HOATZ: variants seen among roughly 807,000 people sequenced by gnomAD.
The protein encoded by HOATZ is cilia- and flagella-associated protein HOATZ.
Under a neutral mutation model 24.9 loss-of-function variants are expected in HOATZ, and 26 were observed. The observed-to-expected ratio is 1.04, with a 90% CI of 0.76 to 1.45. The LOEUF is 1.45. HOATZ is among the 40% of genes most tolerant of loss of function. The probability of loss-of-function intolerance (pLI) is 0.00; values close to 1 mark genes in which losing one functional copy is unlikely to be tolerated. For missense variants in HOATZ, 226 were observed against 201.5 expected (o/e 1.12, Z -0.74); for synonymous variants, 83 against 76.6 (o/e 1.08, Z -0.43).
intron 1 of HOATZ, 44 bp from the exon 2 acceptor site, chr11:111,515,467 T>A (rs754685464): frequency 2.4e-5 from 38 of 1,551,986 alleles, no homozygotes; most frequent in Non-Finnish European, 2.8e-5. Context: ...TTAATGTTGT[T>A]GACTTTTCCA....
At chr11:111,518,382 T>C (rs1867231586) in intron 3 of HOATZ, among the ~76,000 whole-genome samples, 1 of 152,214 alleles carries the variant, frequency 6.6e-6, no homozygotes, top group Non-Finnish European at 1.5e-5. Context: ...TGAATTGTCT[T>C]ATAGATATAG....
At chr11:111,533,911 T>G (rs1274970698) in intron 4 of HOATZ, 106 bp downstream of exon 4, 12 of 763,616 alleles carry the variant, frequency 1.6e-5, no homozygotes, top group Non-Finnish European at 2.2e-5. Context: ...CTAGCTATAG[T>G]CCAGAGCCAT....
At chr11:111,529,525 A>C (rs1867373581) in intron 3 of HOATZ, among the ~76,000 whole-genome samples, 1 of 151,942 alleles carries the variant, frequency 6.6e-6, no homozygotes. Context: ...CACCACACCC[A>C]GCTAATTTTT....
intron 3 of HOATZ, among the ~76,000 whole-genome samples, chr11:111,518,796 A>G (rs1175071353): frequency 6.6e-6 from 1 of 152,204 alleles, no homozygotes; most frequent in Non-Finnish European, 1.5e-5. Context: ...ACTTTCATGT[A>G]TCTGCCTGAA....
chr11:111,524,754 T>C (rs1867314501), intron 3 of HOATZ: 3 of 375,556 alleles, frequency 8.0e-6, no homozygotes, highest in Non-Finnish European at 1.6e-5. Context: ...ATTTTGACTT[T>C]CTTGGCCAGG....
Position 111,516,082 on chromosome 11 carries a change from C to A in HOATZ, c.311C>A (p.Ser104Tyr). The A allele has an allele frequency of 6.2e-7, 1 of 1,600,434 alleles. No individual in the cohort carries two copies. Among genetic ancestry groups the A allele is most frequent in the Non-Finnish European group, 8.5e-7 (1 of 1,172,202 alleles). The change falls in exon 3 of 6, where the codon TCT becomes TAT. Residue 104 changes from serine to tyrosine, a missense_variant. Ser to Tyr is a moderately radical substitution (Grantham distance 144). Coordinates refer to ENST00000375618, the MANE Select transcript of HOATZ (RefSeq NM_001100388.2). The stretch of plus-strand genomic sequence containing the variant: ...GCCGAAGCCCTAAAGATACAGGAAT[C>A]TGAGGAGAAAGTAAAGTATCTCCAA... The part of the protein sequence containing the change: ...IFAEALKIQE[S>Y]EEKVKYLQKA...
intron 3 of HOATZ, among the ~76,000 whole-genome samples, chr11:111,529,212 T>C (rs1867370056): frequency 6.6e-6 from 1 of 152,116 alleles, no homozygotes; most frequent in South Asian, 2.1e-4. Flanking sequence ...AGCATTAGCA[T>C]TAAATGGAAA....
chr11:111,530,104 A>G (rs1867379819), intron 3 of HOATZ, among the ~76,000 whole-genome samples: 1 of 152,230 alleles, frequency 6.6e-6, no homozygotes, highest in Non-Finnish European at 1.5e-5. Flanking sequence ...ACTACCATTT[A>G]TTAAATGTTC....
intron 3 of HOATZ, chr11:111,518,958 T>A: frequency 2.2e-6 from 1 of 454,848 alleles, no homozygotes; most frequent in East Asian, 7.0e-5. Context: ...ATTTGTACAG[T>A]CTCTGATGTG....
At chr11:111,535,382 C>T (rs180830412) in intron 5 of HOATZ, 67 of 152,282 alleles carry the variant, frequency 4.4e-4, no homozygotes, top group African/African-American at 1.6e-3. Context: ...AGTGACTTAA[C>T]GATACCAATA....
intron 5 of HOATZ, 89 bp from the exon 6 acceptor site, chr11:111,536,681 G>A: frequency 9.5e-7 from 1 of 1,051,802 alleles, no homozygotes; most frequent in Admixed American, 1.7e-5. Flanking sequence ...TTTTTATTGG[G>A]AGAATTTTCA....
intron 3 of HOATZ, among the ~76,000 whole-genome samples, chr11:111,519,446 C>T (rs1361481684): frequency 6.6e-6 from 1 of 152,150 alleles, no homozygotes; most frequent in Admixed American, 6.6e-5. Flanking sequence ...TACTAGAATA[C>T]TCCCAAAATC....
At chr11:111,516,002 A>G in intron 2 of HOATZ, 38 bp from the exon 3 acceptor site, 1 of 1,315,158 alleles carries the variant, frequency 7.6e-7, no homozygotes, top group Non-Finnish European at 1.1e-6. Context: ...AATCATAATA[A>G]AATTATTTCA....
intron 3 of HOATZ, among the ~76,000 whole-genome samples, chr11:111,530,196 T>C (rs534979901): frequency 6.6e-6 from 1 of 152,298 alleles, no homozygotes; most frequent in East Asian, 1.9e-4. Flanking sequence ...AATCCACAAC[T>C]GGGATTGTGG....
chr11:111,517,099 A>G (rs1264295995), intron 3 of HOATZ, among the ~76,000 whole-genome samples: 1 of 152,242 alleles, frequency 6.6e-6, no homozygotes, highest in Non-Finnish European at 1.5e-5. Flanking sequence ...GGAATTCTAC[A>G]TAAATTACAA....
In HOATZ at chr11:111,536,874, G is replaced by A. The variant is rs1249951384; in HGVS notation, c.*47G>A. 4.2e-6 allele frequency: 6 copies of A among 1,418,202 alleles called. No individual in the cohort carries two copies. Among genetic ancestry groups the A allele is most frequent in the South Asian group, 2.3e-5 (2 of 86,834 alleles). The allele number at this position is 1,418,202 out of a possible 1,614,324, so 87.9% of individuals were successfully genotyped here. A position where few individuals can be genotyped will look rare whatever the true frequency, so the allele number is the denominator to read the frequency against. ...GATGGCTCACTTATACCTTCACTTT[G>A]GAAACAACCTTCTCTTAGATCAGGA... is the stretch of plus-strand genomic sequence containing the variant. On this transcript the variant is annotated 3_prime_UTR_variant, in exon 6 of 6. Transcript: ENST00000375618.
intron 5 of HOATZ, 96 bp from the exon 6 acceptor site, chr11:111,536,674 T>C (rs1458590972): frequency 1.0e-6 from 1 of 978,994 alleles, no homozygotes; most frequent in Non-Finnish European, 1.6e-6. Context: ...CAGTGAATTT[T>C]TATTGGGAGA....
At chr11:111,529,318 T>C (rs1421045715) in intron 3 of HOATZ, among the ~76,000 whole-genome samples, 2 of 152,164 alleles carry the variant, frequency 1.3e-5, no homozygotes, top group Admixed American at 6.5e-5. Context: ...AGACAGAAGA[T>C]TGGCTTGCTC....
At chr11:111,523,678 T>A (rs1867297620) in intron 3 of HOATZ, among the ~76,000 whole-genome samples, 1 of 152,230 alleles carries the variant, frequency 6.6e-6, no homozygotes, top group African/African-American at 2.4e-5. Context: ...GTGCAATTCA[T>A]ATTACAGCCA....
Sources: allele counts gnomAD v4.1 joint callset (sites outside exome capture counted in the v4.1 genomes callset), GRCh38; gene constraint gnomAD v4.1.1; transcripts MANE v1.5; gene names NCBI Gene and HGNC (gene_info 2026-07-23, HGNC 2026-07-21).